Variants in NOL4L observed in about 807,000 individuals in gnomAD.
The protein encoded by NOL4L is nucleolar protein 4-like.
In NOL4L, 7 loss-of-function variants were observed where a neutral mutation model predicts 64.5. The ratio of observed to expected loss-of-function variants is 0.11; its 90% confidence interval spans 0.06 to 0.20. The LOEUF (loss-of-function observed/expected upper bound fraction) is 0.20, where lower values mean the gene tolerates loss of function less well. Among genes scored for constraint, NOL4L ranks in the 10% least tolerant of loss-of-function variants. NOL4L has a pLI of 1.00. For synonymous variants in NOL4L, 413 were observed against 401.0 expected (o/e 1.03, Z -0.36); for missense variants, 680 against 967.1 (o/e 0.70, Z 3.94).
chr20:32,511,814 G>A (rs1325011579), intron 3 of NOL4L, among the ~76,000 whole-genome samples: 1 of 152,092 alleles, frequency 6.6e-6, no homozygotes, highest in African/African-American at 2.4e-5. Flanking sequence ...AGACCAGCCT[G>A]GGCAACACAG....
intron 5 of NOL4L, among the ~76,000 whole-genome samples, chr20:32,473,573 T>C (rs1024682347): frequency 6.6e-6 from 1 of 152,088 alleles, no homozygotes; most frequent in Non-Finnish European, 1.5e-5. Context: ...CTGGGTCTCC[T>C]CCCAAACAAA....
At chr20:32,561,648 G>C (rs1979027583) in intron 1 of NOL4L, among the ~76,000 whole-genome samples, 1 of 152,162 alleles carries the variant, frequency 6.6e-6, no homozygotes, top group Non-Finnish European at 1.5e-5. Flanking sequence ...GGTTGGGCTT[G>C]GGGACAGGAG....
intron 1 of NOL4L, among the ~76,000 whole-genome samples, chr20:32,540,926 G>C (rs1158720865): frequency 6.6e-6 from 1 of 151,576 alleles, no homozygotes; most frequent in African/African-American, 2.4e-5. Context: ...CCGAGGCTCA[G>C]AGAAGAGGCC....
chr20:32,483,178 C>A (rs2015851220), intron 4 of NOL4L, among the ~76,000 whole-genome samples: 2 of 150,960 alleles, frequency 1.3e-5, no homozygotes, highest in Admixed American at 1.3e-4. Flanking sequence ...CAGCCGCTCC[C>A]CCGCGCCCCC....
intron 1 of NOL4L, among the ~76,000 whole-genome samples, chr20:32,532,913 C>T (rs1207077322): frequency 6.6e-6 from 1 of 152,232 alleles, no homozygotes; most frequent in African/African-American, 2.4e-5. Context: ...GTAACACACA[C>T]CATCCTTTCG....
At chr20:32,488,857 TTC>T (rs1491150446) in intron 4 of NOL4L, among the ~76,000 whole-genome samples, 2 of 103,760 alleles carry the variant, frequency 1.9e-5, no homozygotes, top group African/African-American at 1.1e-4. Flanking sequence ...CTTTCTTTCT[TTC>T]TTTCTTTCTT....
chr20:32,531,170 G>A (rs1202452824), intron 1 of NOL4L, among the ~76,000 whole-genome samples: 1 of 152,092 alleles, frequency 6.6e-6, no homozygotes, highest in East Asian at 1.9e-4. Context: ...CTGCTTAAAG[G>A]CCAATAGACC....
chr20:32,490,817 C>T (rs1170058756), intron 4 of NOL4L, among the ~76,000 whole-genome samples: 1 of 152,222 alleles, frequency 6.6e-6, no homozygotes, highest in Non-Finnish European at 1.5e-5. Context: ...TGTCGCTCTC[C>T]TATTCCAAAA....
At chr20:32,549,885 A>G (rs986647760) in intron 1 of NOL4L, among the ~76,000 whole-genome samples, 6 of 152,244 alleles carry the variant, frequency 3.9e-5, no homozygotes, top group Non-Finnish European at 8.8e-5. Context: ...GGTTAAACAT[A>G]GAGTTACCAT....
chr20:32,499,246 T>C (rs924415829), intron 4 of NOL4L, among the ~76,000 whole-genome samples: 1 of 152,152 alleles, frequency 6.6e-6, no homozygotes, highest in Non-Finnish European at 1.5e-5. Context: ...GGGAATGCTG[T>C]GCTGTCCATG....
chr20:32,500,375 A>T, intron 4 of NOL4L, among the ~76,000 whole-genome samples: 3 of 135,316 alleles, frequency 2.2e-5, no homozygotes, highest in Non-Finnish European at 3.1e-5. Flanking sequence ...TTTTTTTGAG[A>T]CGGAGTCTTG....
At chr20:32,550,653 G>A (rs1229529822) in intron 1 of NOL4L, among the ~76,000 whole-genome samples, 1 of 152,150 alleles carries the variant, frequency 6.6e-6, no homozygotes, top group Non-Finnish European at 1.5e-5. Context: ...AGGCTGAGGT[G>A]GGCAGATCAT....
chr20:32,540,751 G>T (rs531509331), intron 1 of NOL4L, among the ~76,000 whole-genome samples: 1 of 151,978 alleles, frequency 6.6e-6, no homozygotes, highest in Non-Finnish European at 1.5e-5. Context: ...GAAAGCCCTC[G>T]GTCCGTGTTT....
intron 1 of NOL4L, among the ~76,000 whole-genome samples, chr20:32,537,401 G>A (rs995759127): frequency 6.6e-6 from 1 of 152,236 alleles, no homozygotes; most frequent in Non-Finnish European, 1.5e-5. Flanking sequence ...CTGGTGGCTG[G>A]CGTCGCGGTG....
rs1339570159 is a variant in NOL4L at position 32,584,697 on chromosome 20, C to A, written c.194G>T (p.Gly65Val). ...VLQGGGGTGA[G>V]SGPAAGEKGK... ...TTTCTCGCCGGCTGCGGGGCCGCTG[C>A]CCGCGCCAGTCCCGCCGCCGCCCTG... Residue 65 changes from glycine to valine, a missense_variant, in exon 1 of 11, where the codon GGC becomes GTC. Physicochemically the swap from Gly to Val is moderately radical, Grantham distance 109. This residue lies in a region of NOL4L where 181 missense variants were observed against 335.2 expected (regional missense o/e 0.54). Coordinates refer to ENST00000621426, the MANE Select transcript of NOL4L (RefSeq NM_001256798.2). 1 of 1,548,394 alleles carries A rather than the reference C, an allele frequency of 6.5e-7. No individual in the cohort carries two copies. Among genetic ancestry groups the A allele is most frequent in the Non-Finnish European group, 8.7e-7 (1 of 1,145,954 alleles).
At chr20:32,475,198 C>T (rs1336825393) in intron 4 of NOL4L, 7 of 985,384 alleles carry the variant, frequency 7.1e-6, no homozygotes, top group Non-Finnish European at 8.4e-6. Context: ...CCCAGCAGGC[C>T]TGGCGCCCTG....
chr20:32,503,609 T>C (rs961861195), intron 4 of NOL4L, among the ~76,000 whole-genome samples: 6 of 152,292 alleles, frequency 3.9e-5, no homozygotes, highest in African/African-American at 1.4e-4. Context: ...ACACAGATGC[T>C]CAAAGTTTGA....
chr20:32,530,053 A>C (rs933023265), intron 1 of NOL4L, among the ~76,000 whole-genome samples: 6 of 152,220 alleles, frequency 3.9e-5, no homozygotes, highest in African/African-American at 1.2e-4. Context: ...TGACCCGTAA[A>C]TGCCCAGCAT....
intron 5 of NOL4L, among the ~76,000 whole-genome samples, chr20:32,469,948 G>C (rs559183582): frequency 6.6e-6 from 1 of 152,232 alleles, no homozygotes; most frequent in African/African-American, 2.4e-5. Flanking sequence ...TCCAGACTCA[G>C]GCCTGCACAG....
Sources: gnomAD v4.1 joint callset for allele counts (sites outside exome capture counted in the v4.1 genomes callset) on GRCh38, gnomAD v4.1.1 for gene constraint, gnomAD v4.1.1 regional missense constraint, MANE v1.5 for transcripts, NCBI Gene and HGNC (gene_info 2026-07-23, HGNC 2026-07-21) for gene names.